ATP11A: variants seen among roughly 807,000 people sequenced by gnomAD.
ATP11A encodes the protein ATPase phospholipid transporting 11A.
ATP11A carries 81 observed loss-of-function variants against 154.4 expected under a neutral mutation model. The ratio of observed to expected loss-of-function variants is 0.52; its 90% CI spans 0.44 to 0.63. ATP11A has a LOEUF of 0.63. ATP11A is among the 30% of genes least tolerant of loss of function. The pLI is 0.00. For missense variants in ATP11A, 1,316 were observed against 1,474.3 expected (o/e 0.89, Z 1.76); for synonymous variants, 623 against 585.9 (o/e 1.06, Z -0.91).
intron 1 of ATP11A, among the ~76,000 whole-genome samples, chr13:112,709,640 A>G (rs1352608416): frequency 6.6e-6 from 1 of 152,254 alleles, no homozygotes; most frequent in African/African-American, 2.4e-5. Context: ...CAACCAGAAG[A>G]TGTTTAAATT....
rs530460139 is a variant in ATP11A, at chr13:112,758,475, G to A, written c.40-26660G>A. 2.0e-5 allele frequency among the ~76,000 whole-genome samples: 3 copies of A among 151,030 alleles called. No individual in the cohort carries two copies. In the South Asian group the frequency reaches 6.3e-4, roughly 32 times the overall value. Reference sequence around the variant, plus strand: ...GTCTCTCTCTGTCGCCCAGGCTGGAGTGCAGTGGCACAATCTCGGCTCACT... The same window carrying A: ...GTCTCTCTCTGTCGCCCAGGCTGGAATGCAGTGGCACAATCTCGGCTCACT... On this transcript the variant is annotated intron_variant, in intron 1 of 29. Coordinates refer to ENST00000375645, the MANE Select transcript of ATP11A (RefSeq NM_015205.3).
At chr13:112,854,756 G>C (rs1013091359) in intron 19 of ATP11A, among the ~76,000 whole-genome samples, 15 of 152,258 alleles carry the variant, frequency 9.9e-5, no homozygotes, top group Admixed American at 5.9e-4. Flanking sequence ...GTGTGTATGT[G>C]TGTATGTTCA....
chr13:112,821,053 C>A (rs913268172), intron 8 of ATP11A, among the ~76,000 whole-genome samples: 3 of 152,144 alleles, frequency 2.0e-5, no homozygotes, highest in Non-Finnish European at 4.4e-5. Context: ...CCTTGGTTTG[C>A]CTACGTATAT....
rs382100 is a variant in ATP11A, at chr13:112,697,678, T to C, written c.39+7223T>C. On this transcript the variant is annotated intron_variant, in intron 1 of 29. Coordinates refer to ENST00000375645, the MANE Select transcript of ATP11A (RefSeq NM_015205.3). This position sits in a 1 kb window ranked among gnomAD's most constrained non-coding sequence, Gnocchi z 4.0. ...TGCCTCCTAGGTGCAAGCAGTTCTC[T>C]TGCCTCAGACTCCTGAGTAGCTGGG... Among the ~76,000 whole-genome samples the C allele has an allele frequency of 1, 151,850 of 151,852 alleles. 75,924 individuals carry two copies. Among genetic ancestry groups the C allele is most frequent in the Non-Finnish European group, 1 (68,020 of 68,020 alleles).
Position 112,780,851 on chromosome 13 carries a change from C to A in ATP11A, c.40-4284C>A, listed in dbSNP as rs574855038. ...TTGCTTTGCTGATGGAAGCCTCTGG[C>A]CGTGGGTGGGTTCTGCTGCGAGGAG... On this transcript the variant is annotated intron_variant, in intron 1 of 29. Coordinates refer to ENST00000375645, the MANE Select transcript of ATP11A (RefSeq NM_015205.3). Among the ~76,000 whole-genome samples, 363 of 152,222 alleles carry A rather than the reference C, an allele frequency of 2.4e-3. 2 individuals are homozygous for A. Among genetic ancestry groups the A allele is most frequent in the Non-Finnish European group, 4.3e-3 (295 of 68,022 alleles).
intron 1 of ATP11A, among the ~76,000 whole-genome samples, chr13:112,731,940 G>A (rs1221025448): frequency 2.8e-5 from 4 of 144,882 alleles, no homozygotes; most frequent in Admixed American, 6.8e-5. Context: ...ATGGGGGCGG[G>A]GGGGGGCAGG....
rs751984887 is a variant in ATP11A at position 112,832,962 on chromosome 13, A to T, written c.1498A>T (p.Lys500Ter). Residue 500 changes from lysine to a stop codon, truncating the protein, a stop_gained, in exon 14 of 30, where the codon AAA becomes TAA. Coordinates refer to ENST00000375645, the MANE Select transcript of ATP11A (RefSeq NM_015205.3). LOFTEE classifies it high-confidence loss of function. ...CCCCAGGAAATCGCCGGACGGGGGGAAATCCTGTGTGTACATCTCATCCTC... is the reference window on the plus strand; with the variant it reads ...CCCCAGGAAATCGCCGGACGGGGGGTAATCCTGTGTGTACATCTCATCCTC... ...DGPRKSPDGG[K>*]SCVYISSSPD... 2 of 1,613,544 alleles carry T rather than the reference A, an allele frequency of 1.2e-6. No individual in the cohort carries two copies. Among genetic ancestry groups the T allele is most frequent in the South Asian group, 2.2e-5 (2 of 91,024 alleles).
intron 8 of ATP11A, among the ~76,000 whole-genome samples, chr13:112,822,469 C>G (rs559252180): frequency 6.6e-6 from 1 of 152,244 alleles, no homozygotes; most frequent in African/African-American, 2.4e-5. Flanking sequence ...CATGTCCCCC[C>G]CATTCAGAGG....
chr13:112,831,330 CG>C lies in ATP11A; in HGVS notation c.1222-42del, dbSNP rs775028326. The stretch of plus-strand genomic sequence containing the variant: ...GCTGTGTGTCTGAGTCGGGGACGTG[CG>C]GGCCTCCCTCAGAGCGCCCTGACTT... On this transcript the variant is annotated intron_variant, in intron 12 of 29. Transcript: ENST00000375645. 1.9e-6 allele frequency: 3 copies of C among 1,591,314 alleles called. No individual in the cohort carries two copies. The Admixed American group carries it at 5.1e-5, about 27-fold the overall frequency.
At position 112,855,950 on chromosome 13, in the gene ATP11A, C is replaced by G. The variant is rs759900395; in HGVS notation, c.2283C>G (p.Asp761Glu). 4.3e-6 allele frequency: 7 copies of G among 1,613,786 alleles called. No homozygotes were observed. Among genetic ancestry groups the G allele is most frequent in the Non-Finnish European group, 5.9e-6 (7 of 1,179,856 alleles). The change falls in exon 20 of 30, where the codon GAC becomes GAG. Residue 761 changes from aspartate to glutamate, a missense_variant. By Grantham distance (45) the Asp-to-Glu change is conservative (BLOSUM62 2). Transcript: ENST00000375645. ...TGCAGGACTACGGTTTAATTATCGA[C>G]GGAGCTGCACTGTCTCTGATAATGA... ...ADMQDYGLII[D>E]GAALSLIMKP...
Position 112,885,463 on chromosome 13 carries a change from ATG to A in ATP11A, c.*3600_*3601del, listed in dbSNP as rs2080962136. On this transcript the variant is annotated 3_prime_UTR_variant, in exon 30 of 30. Coordinates refer to ENST00000375645, the MANE Select transcript of ATP11A (RefSeq NM_015205.3). ...AAACACACGTGCACACATCGTACAC[ATG>A]TGAGCTCCCACACGTACACACAGAT... 1 of 152,290 alleles carries A rather than the reference ATG, an allele frequency of 6.6e-6. No individual in the cohort carries two copies. Among genetic ancestry groups the A allele is most frequent in the East Asian group, 1.9e-4 (1 of 5,156 alleles). 9.4% of individuals were successfully genotyped at this position (152,290 alleles called of 1,614,324 possible).
chr13:112,701,628 C>A (rs1021177689), intron 1 of ATP11A, among the ~76,000 whole-genome samples: 1 of 151,524 alleles, frequency 6.6e-6, no homozygotes, highest in Non-Finnish European at 1.5e-5. Context: ...GTCGGGAGAT[C>A]GAGACCATCC....
At chr13:112,700,458 C>G (rs1021295668) in intron 1 of ATP11A, among the ~76,000 whole-genome samples, 1 of 152,228 alleles carries the variant, frequency 6.6e-6, no homozygotes, top group Non-Finnish European at 1.5e-5. Flanking sequence ...TCGATCCTCA[C>G]AGCAGCCCTG....
intron 1 of ATP11A, among the ~76,000 whole-genome samples, chr13:112,691,483 G>GGGT (rs1555299698): frequency 8.0e-6 from 1 of 125,138 alleles, no homozygotes; most frequent in Non-Finnish European, 1.7e-5. Flanking sequence ...AAAAAAAAAG[G>GGGT]GTGTGTGTGT....
chr13:112,712,624 T>C (rs911076020), intron 1 of ATP11A, among the ~76,000 whole-genome samples: 1 of 152,178 alleles, frequency 6.6e-6, no homozygotes, highest in Non-Finnish European at 1.5e-5. Flanking sequence ...GCCCCTCGAC[T>C]CCCTGCGCAG....
intron 1 of ATP11A, among the ~76,000 whole-genome samples, chr13:112,772,780 G>T (rs1254356104): frequency 6.6e-6 from 1 of 152,230 alleles, no homozygotes; most frequent in Non-Finnish European, 1.5e-5. Flanking sequence ...CACTTGGCGG[G>T]GTCACCCCGC....
rs2079304771 is a variant in ATP11A at position 112,838,551 on chromosome 13, G to T, written c.1705+2300G>T. ...CTGGCCCTGCCACACGCTCACAAGG[G>T]GTTTTTGCTGCATCCTGAATGCCCA... On this transcript the variant is annotated intron_variant, in intron 16 of 29. Coordinates refer to ENST00000375645, the MANE Select transcript of ATP11A (RefSeq NM_015205.3). The surrounding 1 kb of genome is among the most constrained non-coding windows in gnomAD (Gnocchi z 7.3). Among the ~76,000 whole-genome samples, 1 of 152,196 alleles carries T rather than the reference G, an allele frequency of 6.6e-6. No homozygotes were observed. Among genetic ancestry groups the T allele is most frequent in the African/African-American group, 2.4e-5 (1 of 41,446 alleles).
At chr13:112,765,916 C>T (rs2077065338) in intron 1 of ATP11A, among the ~76,000 whole-genome samples, 1 of 152,276 alleles carries the variant, frequency 6.6e-6, no homozygotes, top group South Asian at 2.1e-4. Flanking sequence ...AGGGTCCTCC[C>T]CCTTCTGAAG....
intron 4 of ATP11A, among the ~76,000 whole-genome samples, chr13:112,808,098 G>T (rs1470626767): frequency 2.0e-5 from 3 of 152,024 alleles, no homozygotes; most frequent in African/African-American, 7.2e-5. Flanking sequence ...AGCGGCCGGG[G>T]AGCCCGAGCC....
Sources: allele counts gnomAD v4.1 joint callset (sites outside exome capture counted in the v4.1 genomes callset), GRCh38; gene constraint gnomAD v4.1.1; non-coding constraint Gnocchi (gnomAD v3.1); transcripts MANE v1.5; gene names NCBI Gene and HGNC (gene_info 2026-07-23, HGNC 2026-07-21).